SLC25A47: variants seen among roughly 807,000 people sequenced by gnomAD.
SLC25A47 encodes the protein solute carrier family 25 member 47.
A neutral mutation model predicts 29.8 loss-of-function variants in SLC25A47; 30 were observed. That is an observed-to-expected ratio of 1.01 (90% CI 0.75 to 1.36). The LOEUF is 1.36. SLC25A47 is among the 40% of genes most tolerant of loss of function. The pLI, the probability that SLC25A47 is intolerant of heterozygous loss-of-function variation, is 0.00. For synonymous variants in SLC25A47, 204 were observed against 197.8 expected (o/e 1.03, Z -0.26); for missense variants, 430 against 441.9 (o/e 0.97, Z 0.24).
rs201658248 is a variant in SLC25A47 at position 100,329,387 on chromosome 14, C to T, written c.669C>T (p.Ala223=). ...SRPDVPGVLV[A]GGCAGVLAWA... is the part of the protein sequence containing the mutation. ...CAGATGTCCCGGGCGTGCTGGTGGCCGGGGGCTGTGCAGGAGTCCTGGCCT... is the reference window on the plus strand; with the variant it reads ...CAGATGTCCCGGGCGTGCTGGTGGCTGGGGGCTGTGCAGGAGTCCTGGCCT... The change falls in exon 6 of 6, where the codon GCC becomes GCT. Residue 223 remains alanine, a synonymous_variant. Coordinates refer to ENST00000361529, the MANE Select transcript of SLC25A47 (RefSeq NM_207117.4). 3.7e-5 allele frequency: 60 copies of T among 1,606,894 alleles called. No individual in the cohort carries two copies. Among genetic ancestry groups the T allele is most frequent in the South Asian group, 1.4e-4 (13 of 90,678 alleles).
intron 1 of SLC25A47, among the ~76,000 whole-genome samples, chr14:100,323,847 G>A (rs1477978891): frequency 1.3e-5 from 2 of 152,142 alleles, no homozygotes; most frequent in Non-Finnish European, 2.9e-5. Context: ...TGGTCCTGCA[G>A]CAGGGACTGG....
intron 1 of SLC25A47, among the ~76,000 whole-genome samples, 190 bp downstream of exon 1, chr14:100,323,632 G>A (rs1341949513): frequency 6.6e-6 from 1 of 152,092 alleles, no homozygotes; most frequent in Non-Finnish European, 1.5e-5. Context: ...GGGCCTGGGG[G>A]GCTGCACTGG....
At chr14:100,328,211 A>G (rs1348820412) in intron 4 of SLC25A47, among the ~76,000 whole-genome samples, 3 of 150,760 alleles carry the variant, frequency 2.0e-5, no homozygotes, top group Non-Finnish European at 4.4e-5. Context: ...TCCCAGGTTC[A>G]AGCAATTCTC....
At chr14:100,329,128 C>G in intron 5 of SLC25A47, 84 bp downstream of exon 5, 1 of 1,459,190 alleles carries the variant, frequency 6.9e-7, no homozygotes, top group South Asian at 1.2e-5. Flanking sequence ...CGCCAGTACC[C>G]GAGTGGGGGC....
At chr14:100,323,463 C>T in intron 1 of SLC25A47, 21 bp downstream of exon 1, 1 of 1,613,500 alleles carries the variant, frequency 6.2e-7, no homozygotes, top group Non-Finnish European at 8.5e-7. Context: ...GGATGGTGGG[C>T]TGTGCAGACA....
Position 100,326,461 on chromosome 14 carries a change from G to A in SLC25A47, c.144+233G>A, listed in dbSNP as rs548428423. Among the ~76,000 whole-genome samples, 11 of 152,340 alleles carry A rather than the reference G, an allele frequency of 7.2e-5. No individual in the cohort carries two copies. In the East Asian group the frequency reaches 1.9e-3, roughly 27 times the overall value. ...CTCCAGCAGAGGGTCTAGAGGTAGCGTTCAGGTCTTTGAAAGTCGGAGGAG... is the reference window on the plus strand; with the variant it reads ...CTCCAGCAGAGGGTCTAGAGGTAGCATTCAGGTCTTTGAAAGTCGGAGGAG... On this transcript the variant is annotated intron_variant, in intron 3 of 5. Transcript: ENST00000361529.
In SLC25A47 at chr14:100,324,626, A is replaced by G. The variant is rs142404953; in HGVS notation, c.29-1162A>G. On this transcript the variant is annotated intron_variant, in intron 1 of 5. Coordinates refer to ENST00000361529, the MANE Select transcript of SLC25A47 (RefSeq NM_207117.4). Reference sequence around the variant, plus strand: ...GACTTGCCTGACATCACACAGCTGGAAAGGGCTCCTGAGTCTGGCATCTTT... The same window carrying G: ...GACTTGCCTGACATCACACAGCTGGGAAGGGCTCCTGAGTCTGGCATCTTT... Among the ~76,000 whole-genome samples the G allele has an allele frequency of 2.1e-3, 323 of 152,276 alleles. 1 individual carries two copies. The highest frequency in any genetic ancestry group is 3.4e-3 in the Middle Eastern group (1 of 294).
At chr14:100,324,038 T>C (rs1426008796) in intron 1 of SLC25A47, among the ~76,000 whole-genome samples, 1 of 152,060 alleles carries the variant, frequency 6.6e-6, no homozygotes, top group African/African-American at 2.4e-5. Context: ...AACCAGGCCC[T>C]GGGACACGGG....
At position 100,326,732 on chromosome 14, in the gene SLC25A47, G is replaced by A. The variant is rs74676224; in HGVS notation, c.145-456G>A. Among the ~76,000 whole-genome samples the A allele has an allele frequency of 3.5e-3, 537 of 152,348 alleles. 14 individuals are homozygous for A. In the East Asian group the frequency reaches 0.069, roughly 20 times the overall value. On this transcript the variant is annotated intron_variant, in intron 3 of 5. Transcript: ENST00000361529. ...CTTACGCCTGTAATCCCAGCACTTTGGGAGGCCGAAGCAGGCAGATCACCT... is the reference window on the plus strand; with the variant it reads ...CTTACGCCTGTAATCCCAGCACTTTAGGAGGCCGAAGCAGGCAGATCACCT...
At chr14:100,328,603 C>T (rs553637719) in intron 4 of SLC25A47, 123 bp from the exon 5 acceptor site, 2 of 1,027,300 alleles carry the variant, frequency 1.9e-6, no homozygotes, top group South Asian at 2.8e-5. Context: ...CTGGGCCAGC[C>T]TGCAGGGTCT....
Position 100,326,203 on chromosome 14 carries a change from T to G in SLC25A47, c.119T>G (p.Val40Gly). Residue 40 changes from valine to glycine, a missense_variant, in exon 3 of 6, where the codon GTC (valine) becomes GGC (glycine). Coordinates refer to ENST00000361529, the MANE Select transcript of SLC25A47 (RefSeq NM_207117.4). ...AAGTACACAGGCATCTGGCACTGCG[T>G]CCGGGATACGTATCACCGAGAGCGC... ...EPKYTGIWHCVRDTYHRERVW... is the reference protein window; with the variant it reads ...EPKYTGIWHCGRDTYHRERVW... 1.2e-6 allele frequency: 2 copies of G among 1,613,590 alleles called. No individual in the cohort carries two copies. Among genetic ancestry groups the G allele is most frequent in the African/African-American group, 1.3e-5 (1 of 74,958 alleles).
In SLC25A47 at chr14:100,329,561, T is replaced by C. The variant is rs1893411336; in HGVS notation, c.843T>C (p.Asn281=). ...TCCTTTTCAAGGGGCTGGTACTCAA[T>C]TGCTGCCGCGCCTTCCCTGTCAACA... ...PRVLFKGLVL[N]CCRAFPVNMV... Residue 281 remains asparagine, a synonymous_variant, in exon 6 of 6, where the codon AAT becomes AAC. Coordinates refer to ENST00000361529, the MANE Select transcript of SLC25A47 (RefSeq NM_207117.4). The C allele has an allele frequency of 1.2e-6, 2 of 1,613,580 alleles. No individual in the cohort carries two copies. Among genetic ancestry groups the C allele is most frequent in the Admixed American group, 1.7e-5 (1 of 60,016 alleles).
At chr14:100,327,937 C>T (rs1893371047) in intron 4 of SLC25A47, among the ~76,000 whole-genome samples, 1 of 152,152 alleles carries the variant, frequency 6.6e-6, no homozygotes, top group South Asian at 2.1e-4. Flanking sequence ...CAGCTCTGAC[C>T]CTCATGAGCT....
intron 1 of SLC25A47, among the ~76,000 whole-genome samples, 185 bp downstream of exon 1, chr14:100,323,627 TG>T (rs1243217307): frequency 7.2e-5 from 11 of 151,818 alleles, no homozygotes; most frequent in African/African-American, 2.2e-4. Context: ...CTGCAGGGCC[TG>T]GGGGGCTGCA....
chr14:100,329,446 C>T lies in SLC25A47; in HGVS notation c.728C>T (p.Ser243Leu), dbSNP rs565898992. ...GCCACCCCCATGGACGTGATCAAGT[C>T]GAGACTGCAGGCAGACGGGCAGGGC... ...AVATPMDVIK[S>L]RLQADGQGQR... The change falls in exon 6 of 6, where the codon TCG (serine) becomes TTG (leucine). Residue 243 changes from serine (S) to leucine (L), a missense_variant. Physicochemically the swap from Ser to Leu is moderately radical, Grantham distance 145 (BLOSUM62 -2). Coordinates refer to ENST00000361529, the MANE Select transcript of SLC25A47 (RefSeq NM_207117.4). 1.5e-5 allele frequency: 24 copies of T among 1,613,314 alleles called. No individual in the cohort carries two copies. The highest frequency in any genetic ancestry group is 2.7e-5 in the African/African-American group (2 of 74,920).
rs931893490 is a variant in SLC25A47 at position 100,329,562 on chromosome 14, T to C, written c.844T>C (p.Cys282Arg). Residue 282 changes from cysteine to arginine, a missense_variant, in exon 6 of 6, where the codon TGC becomes CGC. Transcript: ENST00000361529. ...RVLFKGLVLN[C>R]CRAFPVNMVV... Reference sequence around the variant, plus strand: ...CCTTTTCAAGGGGCTGGTACTCAATTGCTGCCGCGCCTTCCCTGTCAACAT... The same window carrying C: ...CCTTTTCAAGGGGCTGGTACTCAATCGCTGCCGCGCCTTCCCTGTCAACAT... 2 of 1,613,622 alleles carry C rather than the reference T, an allele frequency of 1.2e-6. No individual in the cohort carries two copies. Among genetic ancestry groups the C allele is most frequent in the Non-Finnish European group, 1.7e-6 (2 of 1,180,008 alleles).
chr14:100,323,702 TG>T, intron 1 of SLC25A47, among the ~76,000 whole-genome samples: 1 of 151,260 alleles, frequency 6.6e-6, no homozygotes, highest in East Asian at 1.9e-4. Context: ...GGTCTAGGCA[TG>T]GGGGCCGCTC....
rs369282079 is a variant in SLC25A47, at chr14:100,329,010, C to T, written c.612C>T (p.Cys204=). ...ATYFLSYAVL[C]EWLSPAGHSR... ...ACTTCCTTTCCTACGCGGTCCTCTG[C>T]GAGTGGCTCAGCCCCGCTGGCCACA... The change falls in exon 5 of 6, where the codon TGC becomes TGT. Residue 204 remains cysteine, a synonymous_variant. Transcript: ENST00000361529. 27 of 1,599,872 alleles carry T rather than the reference C, an allele frequency of 1.7e-5. No individual in the cohort carries two copies. The highest frequency in any genetic ancestry group is 1.5e-4 in the African/African-American group (11 of 74,924).
At chr14:100,323,558 C>G (rs1595387586) in intron 1 of SLC25A47, 116 bp downstream of exon 1, 1 of 1,185,382 alleles carries the variant, frequency 8.4e-7, no homozygotes, top group African/African-American at 1.5e-5. Context: ...CCCTCACCCC[C>G]CAGGATCTGC....
Sources: gnomAD v4.1 joint callset for allele counts (sites outside exome capture counted in the v4.1 genomes callset) on GRCh38, gnomAD v4.1.1 for gene constraint, MANE v1.5 for transcripts, NCBI Gene and HGNC (gene_info 2026-07-23, HGNC 2026-07-21) for gene names.